Variants in ZNF148 observed in about 807,000 individuals in gnomAD.
ZNF148 encodes the protein zinc finger protein 148, also known as Beta-Enolase Repressor Factor-1.
A neutral mutation model predicts 67.7 loss-of-function variants in ZNF148; 7 were observed. The observed-to-expected ratio is 0.10, with a 90% CI of 0.06 to 0.19. ZNF148 has a LOEUF of 0.19. Ranked by LOEUF, ZNF148 falls within the 10% of genes least tolerant of loss-of-function variation. ZNF148 has a pLI of 1.00. For synonymous variants in ZNF148, 333 were observed against 330.7 expected (o/e 1.01, Z -0.08); for missense variants, 583 against 947.1 (o/e 0.62, Z 5.05).
At chr3:125,278,345 A>G (rs1033788359) in intron 6 of ZNF148, among the ~76,000 whole-genome samples, 3 of 152,218 alleles carry the variant, frequency 2.0e-5, no homozygotes, top group Middle Eastern at 3.4e-3. Context: ...CTCTATGCTG[A>G]GAAACCTTGT....
chr3:125,259,901 A>C (rs113757230), intron 7 of ZNF148, among the ~76,000 whole-genome samples: 2 of 152,248 alleles, frequency 1.3e-5, no homozygotes, highest in African/African-American at 4.8e-5. Context: ...CTAGCTTTTG[A>C]CTTAAAGTGA....
intron 1 of ZNF148, among the ~76,000 whole-genome samples, chr3:125,363,530 T>C (rs1241669462): frequency 1.3e-5 from 2 of 152,244 alleles, no homozygotes; most frequent in African/African-American, 4.8e-5. Flanking sequence ...TTTCTTTTTC[T>C]CTACTGTTTC....
chr3:125,299,622 G>A (rs2107647122), intron 4 of ZNF148, among the ~76,000 whole-genome samples: 1 of 152,336 alleles, frequency 6.6e-6, no homozygotes, highest in East Asian at 1.9e-4. Context: ...AAGAACAAGT[G>A]AGGATACTGA....
intron 1 of ZNF148, among the ~76,000 whole-genome samples, chr3:125,332,074 T>C (rs768188159): frequency 1.6e-4 from 24 of 152,340 alleles, no homozygotes; most frequent in Admixed American, 6.5e-4. Flanking sequence ...AAGCAGAATA[T>C]TTTCTAGAAA....
rs114421195 is a variant in ZNF148, at chr3:125,239,115, G to A, written c.668-4786C>T. Among the ~76,000 whole-genome samples the A allele has an allele frequency of 5.1e-3, 782 of 152,318 alleles. 7 individuals carry two copies. Among genetic ancestry groups the A allele is most frequent in the African/African-American group, 0.018 (746 of 41,574 alleles). ...ATCAGGACTGAAGAAGAGGGGAAAA[G>A]AGAGTTATTGCTTAATGGGTACAGA... On this transcript the variant is annotated intron_variant, in intron 7 of 8. Transcript: ENST00000360647.
chr3:125,250,002 G>T (rs557440779), intron 7 of ZNF148, among the ~76,000 whole-genome samples: 1 of 152,230 alleles, frequency 6.6e-6, no homozygotes, highest in South Asian at 2.1e-4. Flanking sequence ...TAGAATAATA[G>T]TCACCAGGAG....
intron 7 of ZNF148, among the ~76,000 whole-genome samples, chr3:125,275,436 C>G (rs560632943): frequency 3.9e-5 from 6 of 152,174 alleles, no homozygotes; most frequent in Non-Finnish European, 8.8e-5. Context: ...TGCTTCTAGT[C>G]CCATTCTGCA....
At chr3:125,240,937 C>T (rs1001590540) in intron 7 of ZNF148, among the ~76,000 whole-genome samples, 1 of 152,056 alleles carries the variant, frequency 6.6e-6, no homozygotes, top group Non-Finnish European at 1.5e-5. Context: ...ATAAATTCAC[C>T]TTCCATGGTC....
chr3:125,342,008 G>GC (rs538254071), intron 1 of ZNF148, among the ~76,000 whole-genome samples: 1 of 142,378 alleles, frequency 7.0e-6, no homozygotes, highest in Non-Finnish European at 1.5e-5. Flanking sequence ...GCGGGGGGGG[G>GC]AATGGAAATC....
intron 7 of ZNF148, among the ~76,000 whole-genome samples, chr3:125,243,635 A>G (rs1463660381): frequency 1.3e-5 from 2 of 151,858 alleles, no homozygotes; most frequent in South Asian, 2.1e-4. Flanking sequence ...ATCCTCCCCA[A>G]CTTCAGCCTC....
intron 1 of ZNF148, chr3:125,344,148 C>T (rs1579858628): frequency 3.9e-6 from 1 of 258,068 alleles, no homozygotes; most frequent in Non-Finnish European, 7.6e-6. Flanking sequence ...GGCCATCTTC[C>T]TCAAATTCTA....
At chr3:125,237,315 C>T (rs1252965525) in intron 7 of ZNF148, among the ~76,000 whole-genome samples, 1 of 152,146 alleles carries the variant, frequency 6.6e-6, no homozygotes, top group Non-Finnish European at 1.5e-5. Context: ...GGTGCAGTGG[C>T]TCATGCCTGT....
chr3:125,245,099 T>C (rs1490464788), intron 7 of ZNF148, among the ~76,000 whole-genome samples: 3 of 152,212 alleles, frequency 2.0e-5, no homozygotes, highest in Admixed American at 6.5e-5. Flanking sequence ...AAACTGCTTA[T>C]GTAATATATC....
intron 1 of ZNF148, among the ~76,000 whole-genome samples, chr3:125,371,391 G>A (rs1261149888): frequency 2.9e-5 from 4 of 140,154 alleles, no homozygotes; most frequent in South Asian, 2.3e-4. Flanking sequence ...GGGGGGCAGG[G>A]CGAAGTGGCT....
intron 1 of ZNF148, among the ~76,000 whole-genome samples, chr3:125,336,042 GA>G (rs1941476383): frequency 6.6e-6 from 1 of 152,166 alleles, no homozygotes; most frequent in Admixed American, 6.5e-5. Context: ...ATCATCCTTT[GA>G]AAAGCCATTC....
intron 5 of ZNF148, among the ~76,000 whole-genome samples, chr3:125,285,182 G>A (rs1430268705): frequency 6.6e-6 from 1 of 152,192 alleles, no homozygotes; most frequent in Non-Finnish European, 1.5e-5. Context: ...TGGAAAAGGT[G>A]CTGGGGGAGA....
rs892373405 is a variant in ZNF148, at chr3:125,296,427, C to T, written c.334-8199G>A. On this transcript the variant is annotated intron_variant, in intron 4 of 8. Transcript: ENST00000360647. The stretch of plus-strand genomic sequence containing the variant: ...CGTGAGCCACCATGCCCAGCCAATG[C>T]TATTTTTTAGTTTTCTTTTCTACCT... 2.6e-5 allele frequency among the ~76,000 whole-genome samples: 4 copies of T among 152,182 alleles called. No homozygotes were observed. The South Asian group carries it at 6.2e-4, about 24-fold the overall frequency.
intron 1 of ZNF148, among the ~76,000 whole-genome samples, chr3:125,373,620 C>A (rs1203078793): frequency 6.6e-6 from 1 of 152,114 alleles, no homozygotes; most frequent in Non-Finnish European, 1.5e-5. Context: ...GTCCTGACCT[C>A]CTTGCAACCT....
At chr3:125,299,129 A>G (rs574695358) in intron 4 of ZNF148, among the ~76,000 whole-genome samples, 1 of 152,340 alleles carries the variant, frequency 6.6e-6, no homozygotes, top group South Asian at 2.1e-4. Flanking sequence ...ATTTACAATG[A>G]CTATGTAGTC....
Sources: gnomAD v4.1 joint callset for allele counts (sites outside exome capture counted in the v4.1 genomes callset) on GRCh38, gnomAD v4.1.1 for gene constraint, MANE v1.5 for transcripts, NCBI Gene and HGNC (gene_info 2026-07-23, HGNC 2026-07-21) for gene names.